WDFY4: variants seen among roughly 807,000 people sequenced by gnomAD.
WDFY4 encodes WDFY family member 4.
WDFY4 carries 169 observed loss-of-function variants against 351.9 expected under a neutral mutation model. The observed-to-expected ratio is 0.48, with a 90% CI of 0.42 to 0.55. The LOEUF (loss-of-function observed/expected upper bound fraction) is 0.55, where lower values mean the gene tolerates loss of function less well. Ranked by LOEUF, WDFY4 falls within the 20% of genes least tolerant of loss-of-function variation. The pLI is 0.00. For synonymous variants in WDFY4, 1,622 were observed against 1,574.6 expected (o/e 1.03, Z -0.71); for missense variants, 3,803 against 3,935.6 (o/e 0.97, Z 0.90).
Position 48,776,920 on chromosome 10 carries a change from C to A in WDFY4, c.3034C>A (p.Gln1012Lys). The A allele has an allele frequency of 6.4e-7, 1 of 1,552,298 alleles. No individual in the cohort carries two copies. Among genetic ancestry groups the A allele is most frequent in the Non-Finnish European group, 8.7e-7 (1 of 1,147,116 alleles). Residue 1012 changes from glutamine to lysine, a missense_variant, in exon 16 of 62, where the codon CAG becomes AAG. By Grantham distance (53) the Gln-to-Lys change is moderately conservative. Coordinates refer to ENST00000325239, the MANE Select transcript of WDFY4 (RefSeq NM_001394531.1). ...CTCCATGACCTCCCCACGCAACCTG[C>A]AGCCTCAGAGGGCAGCCCTGGCCCC... ...LISMTSPRNLQPQRAALAPSF... is the reference protein window; with the variant it reads ...LISMTSPRNLKPQRAALAPSF...
At chr10:48,950,546 A>T (rs1055681834) in intron 51 of WDFY4, among the ~76,000 whole-genome samples, 3 of 152,182 alleles carry the variant, frequency 2.0e-5, no homozygotes, top group African/African-American at 7.2e-5. Flanking sequence ...TAATCTCAGG[A>T]TACTGAGTCT....
Position 48,723,449 on chromosome 10 carries a change from T to A in WDFY4, c.473T>A (p.Val158Asp). ...TGTDSETLGR[V>D]AESGLPALLL... ...CTCTTGCAGGAGACGCTGGGCAGGGTTGCTGAGTCTGGGCTTCCAGCCCTG... is the reference window on the plus strand; with the variant it reads ...CTCTTGCAGGAGACGCTGGGCAGGGATGCTGAGTCTGGGCTTCCAGCCCTG... Residue 158 changes from valine to aspartate, a missense_variant, in exon 5 of 62, where the codon GTT becomes GAT. Transcript: ENST00000325239. The A allele has an allele frequency of 1.9e-6, 3 of 1,550,096 alleles. No homozygotes were observed. The highest frequency in any genetic ancestry group is 1.7e-6 in the Non-Finnish European group (2 of 1,146,952).
At chr10:48,980,966 T>G (rs932881184) in intron 60 of WDFY4, among the ~76,000 whole-genome samples, 1 of 152,250 alleles carries the variant, frequency 6.6e-6, no homozygotes, top group African/African-American at 2.4e-5. Context: ...ATGCCGACTT[T>G]ATGTAATTTA....
chr10:48,952,315 C>A (rs770712818), intron 51 of WDFY4, among the ~76,000 whole-genome samples: 4 of 152,240 alleles, frequency 2.6e-5, no homozygotes, highest in Non-Finnish European at 4.4e-5. Context: ...CTACCCAATG[C>A]AGCCAGGGCT....
intron 43 of WDFY4, among the ~76,000 whole-genome samples, chr10:48,885,470 A>G (rs900582232): frequency 6.6e-6 from 1 of 152,244 alleles, no homozygotes; most frequent in Non-Finnish European, 1.5e-5. Flanking sequence ...CAACCAAACA[A>G]GAGCAAAGGT....
chr10:48,971,197 G>C (rs1159299700), intron 57 of WDFY4, among the ~76,000 whole-genome samples: 1 of 152,126 alleles, frequency 6.6e-6, no homozygotes, highest in Non-Finnish European at 1.5e-5. Flanking sequence ...GAGCCCTAAA[G>C]TAATAGAAAC....
At chr10:48,867,464 G>A (rs1589778005) in intron 40 of WDFY4, 122 bp downstream of exon 40, 1 of 514,148 alleles carries the variant, frequency 1.9e-6, no homozygotes, top group East Asian at 4.2e-5. Context: ...CACCATGTTG[G>A]GGTTTTGCAT....
chr10:48,907,325 T>G (rs1482683069), intron 47 of WDFY4, among the ~76,000 whole-genome samples: 1 of 152,188 alleles, frequency 6.6e-6, no homozygotes, highest in East Asian at 1.9e-4. Flanking sequence ...ATCCACCATG[T>G]CATTGAGGCA....
intron 32 of WDFY4, among the ~76,000 whole-genome samples, chr10:48,819,133 C>A (rs890492844): frequency 6.6e-6 from 1 of 152,222 alleles, no homozygotes; most frequent in Non-Finnish European, 1.5e-5. Context: ...CAGTTCCTGC[C>A]CAGGGGAGGG....
At chr10:48,696,399 C>T (rs1412232765) in intron 1 of WDFY4, among the ~76,000 whole-genome samples, 1 of 152,238 alleles carries the variant, frequency 6.6e-6, no homozygotes, top group African/African-American at 2.4e-5. Context: ...CCTGATGTGG[C>T]ATTCCCCCAA....
At chr10:48,888,783 T>G (rs2070573317) in intron 43 of WDFY4, among the ~76,000 whole-genome samples, 1 of 152,236 alleles carries the variant, frequency 6.6e-6, no homozygotes, top group Admixed American at 6.5e-5. Flanking sequence ...GTTTCCAACC[T>G]TCAAGTTTCA....
At chr10:48,686,547 C>G (rs543579464) in intron 1 of WDFY4, among the ~76,000 whole-genome samples, 4 of 152,170 alleles carry the variant, frequency 2.6e-5, no homozygotes, top group Non-Finnish European at 4.4e-5. Context: ...AATTTTACAT[C>G]CCATATTTAA....
At chr10:48,872,416 G>A (rs1240298710) in intron 40 of WDFY4, among the ~76,000 whole-genome samples, 1 of 152,154 alleles carries the variant, frequency 6.6e-6, no homozygotes, top group Admixed American at 6.6e-5. Context: ...CATCATCATG[G>A]GGATGATCGA....
chr10:48,795,060 G>T (rs2066811208), intron 23 of WDFY4, among the ~76,000 whole-genome samples: 1 of 152,144 alleles, frequency 6.6e-6, no homozygotes, highest in Admixed American at 6.5e-5. Context: ...TTGGGGCAGT[G>T]GAAGCTTGGA....
intron 47 of WDFY4, chr10:48,910,932 C>A: frequency 1.0e-6 from 1 of 984,428 alleles, no homozygotes; most frequent in Non-Finnish European, 1.2e-6. Context: ...CTTTGCTGAA[C>A]CTTTTGAATA....
intron 1 of WDFY4, among the ~76,000 whole-genome samples, chr10:48,705,749 G>A (rs975496794): frequency 2.6e-5 from 4 of 152,156 alleles, no homozygotes; most frequent in Non-Finnish European, 2.9e-5. Flanking sequence ...TTCAGCAAAC[G>A]TGGCTTCTGC....
intron 21 of WDFY4, among the ~76,000 whole-genome samples, chr10:48,789,424 C>T (rs2928390): frequency 0.25 from 37,907 of 152,120 alleles, 5,340 homozygotes; most frequent in East Asian, 0.7. Context: ...GGCTTAGCAG[C>T]AACACACCGC....
chr10:48,803,499 C>T, intron 25 of WDFY4, 140 bp downstream of exon 25: 1 of 830,088 alleles, frequency 1.2e-6, no homozygotes. Flanking sequence ...CCCAGTGGCT[C>T]ATGCTTGTGG....
At chr10:48,813,841 T>C in intron 30 of WDFY4, 116 bp from the exon 31 acceptor site, 1 of 1,256,672 alleles carries the variant, frequency 8.0e-7, no homozygotes, top group Admixed American at 3.2e-5. Context: ...AGGCTGCCAG[T>C]GTGCTCTTTT....
Sources: allele counts gnomAD v4.1 joint callset (sites outside exome capture counted in the v4.1 genomes callset), GRCh38; gene constraint gnomAD v4.1.1; transcripts MANE v1.5; gene names NCBI Gene and HGNC (gene_info 2026-07-23, HGNC 2026-07-21).